Variants in RGS7 observed in about 807,000 individuals in gnomAD.
RGS7 encodes regulator of G protein signaling 7.
A neutral mutation model predicts 81.1 loss-of-function variants in RGS7; 27 were observed. That is an observed-to-expected ratio of 0.33 (90% CI 0.25 to 0.46). The LOEUF (loss-of-function observed/expected upper bound fraction) is 0.46. RGS7 is among the 20% of genes least tolerant of loss of function. The probability of loss-of-function intolerance (pLI) is 1.00; values close to 1 mark genes in which losing one functional copy is unlikely to be tolerated. For missense variants in RGS7, 396 were observed against 607.4 expected (o/e 0.65, Z 3.66); for synonymous variants, 208 against 207.7 (o/e 1.00, Z -0.01).
At position 241,098,686 on chromosome 1, in the gene RGS7, T is replaced by C. The variant is rs1027207051; in HGVS notation, c.155A>G (p.Lys52Arg). 2.5e-6 allele frequency: 4 copies of C among 1,613,150 alleles called. No homozygotes were observed. In the African/African-American group the frequency reaches 5.3e-5, roughly 22 times the overall value. Reference sequence around the variant, plus strand: ...CTTACCAGAGAAGACGCTAGGTATCTTGGAAAGAAAGCTTTTGACCGTACG... The same window carrying C: ...CTTACCAGAGAAGACGCTAGGTATCCTGGAAAGAAAGCTTTTGACCGTACG... ...PIRTVKSFLS[K>R]IPSVFSGSDI... The change falls in exon 3 of 19, where the codon AAG becomes AGG. Residue 52 changes from lysine to arginine, a missense_variant. Coordinates refer to ENST00000440928, the MANE Select transcript of RGS7 (RefSeq NM_001364886.1).
chr1:240,800,395 T>C (rs1687836322), intron 18 of RGS7, among the ~76,000 whole-genome samples: 2 of 152,188 alleles, frequency 1.3e-5, no homozygotes, highest in South Asian at 2.1e-4. Flanking sequence ...CTGTGTACCG[T>C]TGCAATGGTA....
chr1:241,224,398 C>A (rs2075197289), intron 2 of RGS7, among the ~76,000 whole-genome samples: 1 of 152,062 alleles, frequency 6.6e-6, no homozygotes. Context: ...CTTCCAGATG[C>A]ATCCATGTCC....
intron 3 of RGS7, among the ~76,000 whole-genome samples, chr1:241,058,625 A>G (rs1269894810): frequency 6.6e-6 from 1 of 152,236 alleles, no homozygotes; most frequent in Non-Finnish European, 1.5e-5. Flanking sequence ...ACTTCAACCT[A>G]TAGCAATGTT....
intron 6 of RGS7, among the ~76,000 whole-genome samples, chr1:240,879,841 T>C (rs775083171): frequency 1.3e-5 from 2 of 152,200 alleles, no homozygotes; most frequent in Non-Finnish European, 2.9e-5. Context: ...TTTTAAAAAA[T>C]AATTATAGCA....
At chr1:241,058,032 G>A (rs982696724) in intron 3 of RGS7, among the ~76,000 whole-genome samples, 1 of 152,058 alleles carries the variant, frequency 6.6e-6, no homozygotes, top group African/African-American at 2.4e-5. Context: ...CAGTTGTCAC[G>A]CTGCCTCTCT....
In RGS7 at chr1:240,814,788, G is replaced by A. The variant is rs567560105; in HGVS notation, c.784-11C>T. Reference sequence around the variant, plus strand: ...TTGCCAATATTTTATCTGAAAAGAGGGTTAGAGAAGGAGTTACATAAGTAA... The same window carrying A: ...TTGCCAATATTTTATCTGAAAAGAGAGTTAGAGAAGGAGTTACATAAGTAA... On this transcript the variant is annotated splice_polypyrimidine_tract_variant and intron_variant, in intron 11 of 18. Coordinates refer to ENST00000440928, the MANE Select transcript of RGS7 (RefSeq NM_001364886.1). 2 of 1,524,002 alleles carry A rather than the reference G, an allele frequency of 1.3e-6. No homozygotes were observed. Among genetic ancestry groups the A allele is most frequent in the South Asian group, 1.1e-5 (1 of 89,154 alleles). The allele number at this position is 1,524,002 out of a possible 1,614,324, so 94.4% of individuals were successfully genotyped here.
intron 15 of RGS7, among the ~76,000 whole-genome samples, chr1:240,804,710 T>C (rs1200528683): frequency 1.3e-5 from 2 of 152,122 alleles, no homozygotes; most frequent in Non-Finnish European, 2.9e-5. Flanking sequence ...GAAAGAAAAA[T>C]CAGCAGAGAA....
chr1:241,009,084 C>G (rs1572241531), intron 3 of RGS7, among the ~76,000 whole-genome samples: 1 of 152,050 alleles, frequency 6.6e-6, no homozygotes, highest in East Asian at 1.9e-4. Context: ...CAGAGAAGAC[C>G]CCTTGCCTCT....
intron 3 of RGS7, among the ~76,000 whole-genome samples, chr1:241,089,255 G>A (rs1278602842): frequency 6.6e-6 from 1 of 150,624 alleles, no homozygotes; most frequent in Non-Finnish European, 1.5e-5. Flanking sequence ...GAGCAAGAGA[G>A]GAAGTGATAC....
At chr1:241,243,393 A>T (rs2076355916) in intron 2 of RGS7, among the ~76,000 whole-genome samples, 1 of 152,242 alleles carries the variant, frequency 6.6e-6, no homozygotes, top group Admixed American at 6.5e-5. Context: ...AATTCTACTT[A>T]AAAACTCAGG....
chr1:240,924,453 C>T (rs1255185299), intron 6 of RGS7, among the ~76,000 whole-genome samples: 1 of 152,128 alleles, frequency 6.6e-6, no homozygotes, highest in South Asian at 2.1e-4. Flanking sequence ...CAAGATAATG[C>T]GATGTTTTGA....
At chr1:240,962,137 AG>A (rs1681556111) in intron 4 of RGS7, among the ~76,000 whole-genome samples, 2 of 152,148 alleles carry the variant, frequency 1.3e-5, no homozygotes, top group African/African-American at 4.8e-5. Context: ...TTCTTCCGGC[AG>A]AAGTCTACTG....
chr1:241,316,052 TCTA>T (rs1462006265), intron 2 of RGS7, among the ~76,000 whole-genome samples: 1 of 152,218 alleles, frequency 6.6e-6, no homozygotes, highest in Non-Finnish European at 1.5e-5. Flanking sequence ...TTTCTCCTAC[TCTA>T]CTTTCATAAC....
intron 2 of RGS7, among the ~76,000 whole-genome samples, chr1:241,182,195 T>C (rs1160923669): frequency 6.6e-6 from 1 of 152,144 alleles, no homozygotes; most frequent in African/African-American, 2.4e-5. Flanking sequence ...CCATGCGCAA[T>C]AGGCACAGCT....
At chr1:241,250,198 T>C (rs1338167792) in intron 2 of RGS7, among the ~76,000 whole-genome samples, 1 of 152,214 alleles carries the variant, frequency 6.6e-6, no homozygotes, top group Non-Finnish European at 1.5e-5. Flanking sequence ...TGTTATTCTA[T>C]ACAGCATATA....
chr1:241,317,592 A>G (rs1041342032), intron 2 of RGS7, among the ~76,000 whole-genome samples: 4 of 152,208 alleles, frequency 2.6e-5, no homozygotes, highest in African/African-American at 9.7e-5. Context: ...CTGAGAACCC[A>G]TGGCAATCAG....
At chr1:240,900,392 T>C (rs1669789666) in intron 6 of RGS7, among the ~76,000 whole-genome samples, 1 of 152,178 alleles carries the variant, frequency 6.6e-6, no homozygotes. Context: ...ATTTTCAGCT[T>C]TTCTGCTCTG....
At chr1:240,832,213 C>A (rs977211579) in intron 9 of RGS7, among the ~76,000 whole-genome samples, 1 of 152,142 alleles carries the variant, frequency 6.6e-6, no homozygotes, top group African/African-American at 2.4e-5. Context: ...ACCAAGTAGA[C>A]ATTCCATTAA....
chr1:240,807,197 C>T (rs1689008579), intron 14 of RGS7, among the ~76,000 whole-genome samples: 1 of 152,120 alleles, frequency 6.6e-6, no homozygotes, highest in African/African-American at 2.4e-5. Context: ...TTGTATTAAT[C>T]GGTTGCATTT....
Sources: gnomAD v4.1 joint callset for allele counts (sites outside exome capture counted in the v4.1 genomes callset) on GRCh38, gnomAD v4.1.1 for gene constraint, MANE v1.5 for transcripts, NCBI Gene and HGNC (gene_info 2026-07-23, HGNC 2026-07-21) for gene names.